The following NIPBL variants were observed in gnomAD, a reference collection of about 807,000 sequenced individuals.
NIPBL encodes NIPBL cohesin loading factor.
Under a neutral mutation model 321.8 loss-of-function variants are expected in NIPBL, and 19 were observed. That is an observed-to-expected ratio of 0.06 (90% CI 0.04 to 0.09). NIPBL has a LOEUF of 0.09. Among genes scored for constraint, NIPBL ranks in the 10% least tolerant of loss-of-function variants. The pLI is 1.00. For synonymous variants in NIPBL, 1,106 were observed against 1,114.1 expected (o/e 0.99, Z 0.14); for missense variants, 2,210 against 3,327.0 (o/e 0.66, Z 8.26).
chr5:36,899,019 C>G (rs1006435712), intron 1 of NIPBL, among the ~76,000 whole-genome samples: 1 of 152,074 alleles, frequency 6.6e-6, no homozygotes, highest in Admixed American at 6.5e-5. Flanking sequence ...TCAGAAAACT[C>G]TCAAGTGTTT....
chr5:37,060,235 T>G (rs988694811), intron 44 of NIPBL, among the ~76,000 whole-genome samples: 1 of 152,218 alleles, frequency 6.6e-6, no homozygotes, highest in African/African-American at 2.4e-5. Context: ...AGTGCAGTTA[T>G]GCAATCATAA....
chr5:36,970,256 G>A (rs142870468), intron 6 of NIPBL, among the ~76,000 whole-genome samples: 4 of 151,848 alleles, frequency 2.6e-5, no homozygotes, highest in African/African-American at 9.7e-5. Flanking sequence ...TGTGGTGGCA[G>A]TTTCCTGTAG....
At chr5:36,978,978 T>A (rs1027408879) in intron 9 of NIPBL, among the ~76,000 whole-genome samples, 7 of 152,060 alleles carry the variant, frequency 4.6e-5, no homozygotes, top group African/African-American at 1.4e-4. Context: ...CCATGCTGTT[T>A]TGCTTACTCT....
intron 29 of NIPBL, among the ~76,000 whole-genome samples, chr5:37,023,079 C>G (rs986718754): frequency 1.4e-4 from 21 of 152,290 alleles, no homozygotes; most frequent in African/African-American, 4.8e-4. Flanking sequence ...TAAGTATTAC[C>G]TCAATGACAA....
At position 37,059,172 on chromosome 5, in the gene NIPBL, T is replaced by C. The variant is rs563718262; in HGVS notation, c.7685+7T>C. ...TTTGTGGATTTTCTGATAGGTAAGG[T>C]TACATAAGCAGTGAGAGAAAAAACT... On this transcript the variant is annotated splice_region_variant and intron_variant, in intron 44 of 46. Coordinates refer to ENST00000282516, the MANE Select transcript of NIPBL (RefSeq NM_133433.4). 1 of 1,613,862 alleles carries C rather than the reference T, an allele frequency of 6.2e-7. No homozygotes were observed. Among genetic ancestry groups the C allele is most frequent in the South Asian group, 1.1e-5 (1 of 91,026 alleles).
In NIPBL at chr5:37,047,668, T is replaced by C. The variant is rs1002583590; in HGVS notation, c.6590-834T>C. On this transcript the variant is annotated intron_variant, in intron 38 of 46. Coordinates refer to ENST00000282516, the MANE Select transcript of NIPBL (RefSeq NM_133433.4). ...AACTTAAGCAGCGCTATTCAGAAAA[T>C]ATTGCCTCTAGACCAGTTAATAAAA... Among the ~76,000 whole-genome samples, 5 of 152,180 alleles carry C rather than the reference T, an allele frequency of 3.3e-5. No homozygotes were observed. In the South Asian group the frequency reaches 1.0e-3, roughly 32 times the overall value.
At chr5:36,958,318 C>G (rs556902905) in intron 4 of NIPBL, 87 bp downstream of exon 4, 9 of 1,347,194 alleles carry the variant, frequency 6.7e-6, no homozygotes, top group Non-Finnish European at 9.5e-6. Flanking sequence ...GCTGGCCTAT[C>G]AGGAATGCGA....
intron 42 of NIPBL, among the ~76,000 whole-genome samples, chr5:37,053,836 T>C (rs540316734): frequency 1.1e-4 from 17 of 152,330 alleles, no homozygotes; most frequent in African/African-American, 3.4e-4. Context: ...GAGCATAAAA[T>C]AGTAAAAACA....
rs978457668 is a variant in NIPBL at position 36,946,992 on chromosome 5, C to G, written c.-79-6626C>G. Among the ~76,000 whole-genome samples, 4 of 152,122 alleles carry G rather than the reference C, an allele frequency of 2.6e-5. No individual in the cohort carries two copies. The South Asian group carries it at 8.3e-4, about 32-fold the overall frequency. On this transcript the variant is annotated intron_variant, in intron 1 of 46. Coordinates refer to ENST00000282516, the MANE Select transcript of NIPBL (RefSeq NM_133433.4). Reference sequence around the variant, plus strand: ...AAATCCTATTTCTGCTGCATGCTGCCTGTTTAGCTGTAGAGAGAGTATTTA... The same window carrying G: ...AAATCCTATTTCTGCTGCATGCTGCGTGTTTAGCTGTAGAGAGAGTATTTA...
intron 1 of NIPBL, among the ~76,000 whole-genome samples, chr5:36,910,549 A>G (rs1421824304): frequency 6.6e-6 from 1 of 152,114 alleles, no homozygotes; most frequent in African/African-American, 2.4e-5. Context: ...TTCACTTCAT[A>G]CCTAGATTAT....
rs779638068 is a variant in NIPBL, at chr5:36,986,113, T to C, written c.2933T>C (p.Met978Thr). Residue 978 changes from methionine to threonine, a missense_variant, in exon 10 of 47, where the codon ATG becomes ACG. Physicochemically the swap from Met to Thr is moderately conservative, Grantham distance 81. Transcript: ENST00000282516. ...NVTQETKKME[M>T]KGEPKDKVEK... ...ACTCAGGAGACAAAGAAAATGGAAA[T>C]GAAAGGAGAGCCGAAAGACAAAGTA... is the stretch of plus-strand genomic sequence containing the variant. 3.1e-6 allele frequency: 5 copies of C among 1,613,660 alleles called. No homozygotes were observed. The highest frequency in any genetic ancestry group is 1.7e-4 in the Middle Eastern group (1 of 6,060).
chr5:36,949,777 A>T (rs1740066125), intron 1 of NIPBL, among the ~76,000 whole-genome samples: 1 of 151,838 alleles, frequency 6.6e-6, no homozygotes. Context: ...ATCTGTCCCA[A>T]TTTTAGTAGT....
intron 39 of NIPBL, 136 bp from the exon 40 acceptor site, chr5:37,048,971 TCACA>T (rs1431986371): frequency 1.0e-5 from 8 of 787,480 alleles, no homozygotes; most frequent in Non-Finnish European, 1.5e-5. Flanking sequence ...ACACACACAC[TCACA>T]CACAGATTAA....
chr5:37,015,549 G>A (rs957259576), intron 22 of NIPBL, among the ~76,000 whole-genome samples: 3 of 151,868 alleles, frequency 2.0e-5, no homozygotes, highest in African/African-American at 7.2e-5. Flanking sequence ...GACCAGCGTG[G>A]TGAAACCCTG....
intron 1 of NIPBL, among the ~76,000 whole-genome samples, chr5:36,945,899 ACT>A (rs1408796863): frequency 6.6e-6 from 1 of 151,972 alleles, no homozygotes; most frequent in Admixed American, 6.6e-5. Context: ...GAGAGGTGCC[ACT>A]CTCTAGGGAC....
chr5:36,943,823 G>T (rs1418578695), intron 1 of NIPBL, among the ~76,000 whole-genome samples: 2 of 152,118 alleles, frequency 1.3e-5, no homozygotes, highest in Non-Finnish European at 2.9e-5. Context: ...AGAATGTGTT[G>T]TTCTGGAAGA....
intron 1 of NIPBL, among the ~76,000 whole-genome samples, chr5:36,926,752 A>G (rs1580250023): frequency 6.6e-6 from 1 of 152,132 alleles, no homozygotes; most frequent in South Asian, 2.1e-4. Flanking sequence ...GTAAGTATAT[A>G]TATTTATGGG....
At chr5:37,035,984 A>G (rs1319826742) in intron 32 of NIPBL, among the ~76,000 whole-genome samples, 1 of 152,128 alleles carries the variant, frequency 6.6e-6, no homozygotes, top group Non-Finnish European at 1.5e-5. Context: ...TTAAGGTGCA[A>G]TTCAGATGCA....
chr5:37,045,448 A>C lies in NIPBL; in HGVS notation c.6349A>C (p.Ile2117Leu). Residue 2117 changes from isoleucine to leucine, a missense_variant, in exon 37 of 47, where the codon ATT (isoleucine) becomes CTT (leucine). Transcript: ENST00000282516. ...WACFNRYYGA[I>L]SKLKSQHQED... ...ATATTACTTATCTTTATTAGGTGCC[A>C]TTTCAAAATTAAAAAGTCAACACCA... 6.2e-7 allele frequency: 1 copy of C among 1,607,256 alleles called. No individual in the cohort carries two copies. Among genetic ancestry groups the C allele is most frequent in the Non-Finnish European group, 8.5e-7 (1 of 1,174,252 alleles).
Sources: allele counts gnomAD v4.1 joint callset (sites outside exome capture counted in the v4.1 genomes callset), GRCh38; gene constraint gnomAD v4.1.1; transcripts MANE v1.5; gene names NCBI Gene and HGNC (gene_info 2026-07-23, HGNC 2026-07-21).